LSAMP: variants seen among roughly 807,000 people sequenced by gnomAD.
The protein encoded by LSAMP is limbic system associated membrane protein, also known as limbic system-associated membrane protein.
Under a neutral mutation model 38.6 loss-of-function variants are expected in LSAMP, and 7 were observed. The ratio of observed to expected loss-of-function variants is 0.18; its 90% CI spans 0.10 to 0.34. LSAMP has a LOEUF of 0.34. Among genes scored for constraint, LSAMP ranks in the 10% least tolerant of loss-of-function variants. The pLI, the probability that LSAMP is intolerant of heterozygous loss-of-function variation, is 1.00. For missense variants in LSAMP, 313 were observed against 420.0 expected (o/e 0.75, Z 2.23); for synonymous variants, 154 against 166.8 (o/e 0.92, Z 0.59).
chr3:116,208,570 T>A (rs762234261), intron 1 of LSAMP, among the ~76,000 whole-genome samples: 35 of 152,332 alleles, frequency 2.3e-4, no homozygotes, highest in South Asian at 2.1e-4. Context: ...GATGTACAGA[T>A]GGGTTTTTCG....
rs73858074 is a variant in LSAMP at position 115,809,657 on chromosome 3, G to T, written c.*660C>A. 33,101 of 151,856 alleles carry T rather than the reference G, an allele frequency of 0.22. 5,935 individuals are homozygous for T. Among genetic ancestry groups the T allele is most frequent in the African/African-American group, 0.5 (20,682 of 41,082 alleles). The allele number at this position is 151,856 out of a possible 1,614,324, so 9.4% of individuals were successfully genotyped here. On this transcript the variant is annotated 3_prime_UTR_variant, in exon 7 of 7. Transcript: ENST00000490035. ...GCGGCATGACTAGTGCTCTGGGGAG[G>T]GGGTGGAGGTGAGGAGAGGTGAGGG...
At chr3:116,009,517 A>G (rs970271332) in intron 3 of LSAMP, among the ~76,000 whole-genome samples, 1 of 152,152 alleles carries the variant, frequency 6.6e-6, no homozygotes, top group African/African-American at 2.4e-5. Flanking sequence ...CACAAAAGAG[A>G]TAATTTAAGT....
chr3:116,383,037 A>T (rs964521502), intron 1 of LSAMP, among the ~76,000 whole-genome samples: 1 of 152,226 alleles, frequency 6.6e-6, no homozygotes, highest in East Asian at 1.9e-4. Context: ...TCTCACTAGG[A>T]TGTTGTAAAC....
intron 1 of LSAMP, among the ~76,000 whole-genome samples, chr3:116,289,627 T>C (rs1361753987): frequency 1.3e-5 from 2 of 152,128 alleles, no homozygotes; most frequent in East Asian, 1.9e-4. Context: ...AAAACCCTTC[T>C]ATCTGACCTT....
intron 3 of LSAMP, among the ~76,000 whole-genome samples, chr3:115,897,174 G>A (rs1261453457): frequency 6.6e-6 from 1 of 152,084 alleles, no homozygotes; most frequent in Admixed American, 6.6e-5. Context: ...GGAGGGAGGA[G>A]GTATTGCTTA....
At position 115,808,661 on chromosome 3, in the gene LSAMP, T is replaced by A. The variant is rs1933707592; in HGVS notation, c.*1656A>T. 6.6e-6 allele frequency: 1 copy of A among 152,202 alleles called. No individual in the cohort carries two copies. Among genetic ancestry groups the A allele is most frequent in the Non-Finnish European group, 1.5e-5 (1 of 68,052 alleles). The allele number at this position is 152,202 out of a possible 1,614,324, so 9.4% of individuals were successfully genotyped here. A position where few individuals can be genotyped will look rare whatever the true frequency, so the allele number is the denominator to read the frequency against. ...CAATTCTTAGCACCCTGGCATAGGA[T>A]AACAGTGGACCACCATGAACAGTGG... is the stretch of plus-strand genomic sequence containing the variant. On this transcript the variant is annotated 3_prime_UTR_variant, in exon 7 of 7. Transcript: ENST00000490035.
chr3:115,955,179 C>T (rs1198830406), intron 3 of LSAMP, among the ~76,000 whole-genome samples: 1 of 152,122 alleles, frequency 6.6e-6, no homozygotes, highest in African/African-American at 2.4e-5. Flanking sequence ...CGTGATCCGC[C>T]GGCTTCGGCC....
At chr3:116,071,861 G>C (rs1707613341) in intron 2 of LSAMP, among the ~76,000 whole-genome samples, 1 of 151,692 alleles carries the variant, frequency 6.6e-6, no homozygotes, top group African/African-American at 2.4e-5. Flanking sequence ...ATGGTTTTCT[G>C]TTACTGCATT....
chr3:116,274,956 A>AAC (rs776184235), intron 1 of LSAMP, among the ~76,000 whole-genome samples: 1 of 106,796 alleles, frequency 9.4e-6, no homozygotes, highest in African/African-American at 4.2e-5. Flanking sequence ...AAAATAGCCA[A>AAC]AAAAAAAAAA....
intron 1 of LSAMP, among the ~76,000 whole-genome samples, chr3:116,413,861 G>A (rs1406007477): frequency 6.8e-6 from 1 of 146,134 alleles, no homozygotes; most frequent in African/African-American, 2.5e-5. Flanking sequence ...GAAAGGACAA[G>A]AAAGTTGAAA....
intron 1 of LSAMP, among the ~76,000 whole-genome samples, chr3:116,290,298 C>T (rs1309024789): frequency 1.3e-5 from 2 of 152,146 alleles, no homozygotes; most frequent in African/African-American, 2.4e-5. Context: ...CCCCTTCTTA[C>T]ATTGACACAG....
chr3:115,987,875 C>A (rs946152966), intron 3 of LSAMP, among the ~76,000 whole-genome samples: 9 of 152,162 alleles, frequency 5.9e-5, no homozygotes, highest in Admixed American at 5.9e-4. Flanking sequence ...CCTATCATTT[C>A]ACAGCTAAAG....
chr3:116,070,676 C>T lies in LSAMP; in HGVS notation c.388+15648G>A, dbSNP rs182617722. On this transcript the variant is annotated intron_variant, in intron 2 of 6. Transcript: ENST00000490035. The stretch of plus-strand genomic sequence containing the variant: ...AGGTCCTACCCACACAAAATCTTTG[C>T]CTTTGTTCCTCCTCCCTGAGACTTG... Among the ~76,000 whole-genome samples the T allele has an allele frequency of 3.3e-3, 507 of 152,274 alleles. 4 individuals are homozygous for T. The highest frequency in any genetic ancestry group is 0.012 in the African/African-American group (488 of 41,554).
intron 3 of LSAMP, among the ~76,000 whole-genome samples, chr3:115,903,229 A>T (rs1432476845): frequency 1.3e-5 from 2 of 152,168 alleles, no homozygotes; most frequent in East Asian, 3.9e-4. Flanking sequence ...TAGCAAACTA[A>T]CAGAGAAACA....
rs71141863 is a variant in LSAMP at position 116,222,720 on chromosome 3, C to CTT, written c.156-136166_156-136165dup. Among the ~76,000 whole-genome samples the CTT allele has an allele frequency of 4.3e-3, 216 of 49,940 alleles. 57 individuals are homozygous for CTT. The highest frequency in any genetic ancestry group is 0.013 in the Middle Eastern group (1 of 80). The allele number at this position is 49,940 out of a possible 152,430, so 32.8% of individuals were successfully genotyped here. A position where few individuals can be genotyped will look rare whatever the true frequency, so the allele number is the denominator to read the frequency against. ...TTTTTTGCTCACCTTTCATCCTCTC[C>CTT]TTTTTTTTTTTTTTTTTTTTTTTTT... On this transcript the variant is annotated intron_variant, in intron 1 of 6. Transcript: ENST00000490035.
chr3:115,839,109 C>T (rs1934896381), intron 6 of LSAMP, among the ~76,000 whole-genome samples: 1 of 152,180 alleles, frequency 6.6e-6, no homozygotes, highest in Non-Finnish European at 1.5e-5. Context: ...GGAAAATTAC[C>T]TCTGCTGACA....
intron 1 of LSAMP, among the ~76,000 whole-genome samples, chr3:116,444,477 C>T (rs1212678512): frequency 6.6e-6 from 1 of 150,498 alleles, no homozygotes; most frequent in Non-Finnish European, 1.5e-5. Flanking sequence ...ATCCAACAAC[C>T]TTTCTTTCAG....
chr3:116,174,769 A>T (rs1169302019), intron 1 of LSAMP, among the ~76,000 whole-genome samples: 4 of 151,992 alleles, frequency 2.6e-5, no homozygotes, highest in Admixed American at 6.6e-5. Context: ...AATCATGGAC[A>T]ATGACTCTCT....
chr3:116,238,834 AAAT>A (rs1171840944), intron 1 of LSAMP, among the ~76,000 whole-genome samples: 5 of 140,030 alleles, frequency 3.6e-5, no homozygotes, highest in African/African-American at 1.0e-4. Flanking sequence ...TATAAAAATG[AAAT>A]AATGACATGG....
Sources: gnomAD v4.1 joint callset for allele counts (sites outside exome capture counted in the v4.1 genomes callset) on GRCh38, gnomAD v4.1.1 for gene constraint, MANE v1.5 for transcripts, NCBI Gene and HGNC (gene_info 2026-07-23, HGNC 2026-07-21) for gene names.